The following NAALADL2 variants were observed in gnomAD, a reference collection of about 807,000 sequenced individuals.
NAALADL2 encodes inactive N-acetylated-alpha-linked acidic dipeptidase-like protein 2.
A neutral mutation model predicts 87.2 loss-of-function variants in NAALADL2; 76 were observed. That is an observed-to-expected ratio of 0.87 (90% confidence interval 0.72 to 1.05). The LOEUF (loss-of-function observed/expected upper bound fraction) is 1.05. Among genes scored for constraint, NAALADL2 ranks in the 50% least tolerant of loss-of-function variants. The pLI is 0.00. For synonymous variants in NAALADL2, 354 were observed against 331.0 expected (o/e 1.07, Z -0.75); for missense variants, 1,089 against 945.8 (o/e 1.15, Z -1.99).
At chr3:175,130,411 T>C (rs1012543355) in intron 2 of NAALADL2, among the ~76,000 whole-genome samples, 2 of 152,204 alleles carry the variant, frequency 1.3e-5, no homozygotes, top group African/African-American at 2.4e-5. Flanking sequence ...ATCCAAAAAG[T>C]CTTTGTCAAG....
At chr3:174,725,317 A>C (rs781771494) in intron 2 of NAALADL2, among the ~76,000 whole-genome samples, 16 of 151,866 alleles carry the variant, frequency 1.1e-4, no homozygotes, top group South Asian at 4.2e-4. Context: ...ATAATTAAAA[A>C]CATGGTTTTT....
intron 5 of NAALADL2, among the ~76,000 whole-genome samples, chr3:175,440,130 T>C (rs1052762573): frequency 9.2e-5 from 14 of 152,202 alleles, no homozygotes; most frequent in African/African-American, 3.4e-4. Context: ...CAGCACCATT[T>C]GTTGAATACG....
At chr3:175,661,364 TC>T (rs1732234879) in intron 11 of NAALADL2, among the ~76,000 whole-genome samples, 1 of 152,000 alleles carries the variant, frequency 6.6e-6, no homozygotes, top group African/African-American at 2.4e-5. Flanking sequence ...TTTTTTTTTT[TC>T]CTATTGAGTC....
intron 3 of NAALADL2, among the ~76,000 whole-genome samples, chr3:174,829,507 G>C (rs1300823426): frequency 7.5e-6 from 1 of 134,014 alleles, no homozygotes; most frequent in African/African-American, 2.9e-5. Flanking sequence ...TCTTAATCCA[G>C]TCTATCATTG....
intron 2 of NAALADL2, among the ~76,000 whole-genome samples, chr3:174,705,782 CAA>C (rs368457644): frequency 3.5e-5 from 4 of 114,496 alleles, no homozygotes; most frequent in Non-Finnish European, 5.2e-5. Context: ...GACTCCGTCT[CAA>C]AAAAAAAAAA....
chr3:175,071,625 C>A (rs1715661376), intron 1 of NAALADL2, among the ~76,000 whole-genome samples: 1 of 151,978 alleles, frequency 6.6e-6, no homozygotes, highest in Non-Finnish European at 1.5e-5. Context: ...TGTGTACCGT[C>A]CCCAATTAAT....
intron 4 of NAALADL2, among the ~76,000 whole-genome samples, chr3:175,308,272 A>G (rs1310432146): frequency 2.6e-5 from 4 of 152,124 alleles, no homozygotes; most frequent in Non-Finnish European, 5.9e-5. Flanking sequence ...TGTTTGCTCA[A>G]TATCTCTCTA....
intron 1 of NAALADL2, among the ~76,000 whole-genome samples, chr3:174,957,872 C>T (rs903395151): frequency 1.3e-5 from 2 of 151,902 alleles, no homozygotes; most frequent in Admixed American, 1.3e-4. Flanking sequence ...GACCAGGATT[C>T]CATTTTTGTC....
At chr3:175,101,870 A>G (rs1722264133) in intron 2 of NAALADL2, among the ~76,000 whole-genome samples, 1 of 152,142 alleles carries the variant, frequency 6.6e-6, no homozygotes, top group African/African-American at 2.4e-5. Context: ...TTCTTAATGG[A>G]AAGATCATTA....
chr3:175,570,718 A>G (rs775348197), intron 9 of NAALADL2, among the ~76,000 whole-genome samples: 35 of 151,978 alleles, frequency 2.3e-4, no homozygotes, highest in Admixed American at 4.6e-4. Flanking sequence ...GTTTCTATCA[A>G]AAATACAAAA....
intron 13 of NAALADL2, among the ~76,000 whole-genome samples, chr3:175,769,612 A>G (rs1013158405): frequency 2.0e-5 from 3 of 152,240 alleles, no homozygotes; most frequent in African/African-American, 7.2e-5. Flanking sequence ...GGTAATGGAA[A>G]AAACGGAAAA....
At chr3:175,435,559 C>T (rs575846600) in intron 5 of NAALADL2, among the ~76,000 whole-genome samples, 6 of 152,048 alleles carry the variant, frequency 3.9e-5, no homozygotes, top group African/African-American at 1.4e-4. Context: ...AAGTTTAGCA[C>T]AAACTCCAAA....
intron 2 of NAALADL2, among the ~76,000 whole-genome samples, chr3:174,656,153 C>T (rs1242229631): frequency 6.6e-6 from 1 of 152,154 alleles, no homozygotes; most frequent in African/African-American, 2.4e-5. Flanking sequence ...GAGCAAATAT[C>T]GGCTACTGGA....
chr3:175,294,133 C>T, intron 4 of NAALADL2, among the ~76,000 whole-genome samples: 1 of 152,140 alleles, frequency 6.6e-6, no homozygotes, highest in East Asian at 1.9e-4. Context: ...TGCAGAAGTT[C>T]TCTGAAAGCC....
At chr3:174,986,324 C>A (rs1045465512) in intron 1 of NAALADL2, among the ~76,000 whole-genome samples, 2 of 146,310 alleles carry the variant, frequency 1.4e-5, no homozygotes, top group East Asian at 2.0e-4. Context: ...TATATATATA[C>A]AATATATATA....
intron 1 of NAALADL2, chr3:175,059,588 C>T (rs1712996359): frequency 3.1e-6 from 1 of 325,164 alleles, no homozygotes; most frequent in Non-Finnish European, 5.8e-6. Context: ...CACATCATCC[C>T]ACGGTTTCAC....
intron 11 of NAALADL2, chr3:175,675,886 T>C (rs939023979): frequency 1.3e-5 from 2 of 152,200 alleles, no homozygotes; most frequent in African/African-American, 2.4e-5. Context: ...ATTATATGCA[T>C]ACACAATCTC....
At chr3:174,888,887 G>T (rs1364606670) in intron 1 of NAALADL2, among the ~76,000 whole-genome samples, 1 of 152,132 alleles carries the variant, frequency 6.6e-6, no homozygotes. Context: ...TTACAGTGTT[G>T]TCAGTTTAAA....
At chr3:175,348,617 T>G (rs1763407720) in intron 5 of NAALADL2, among the ~76,000 whole-genome samples, 1 of 152,156 alleles carries the variant, frequency 6.6e-6, no homozygotes. Flanking sequence ...GTTCCTTGAC[T>G]TGCTGCCTCA....
Sources: allele counts gnomAD v4.1 joint callset (sites outside exome capture counted in the v4.1 genomes callset), GRCh38; gene constraint gnomAD v4.1.1; transcripts MANE v1.5; gene names NCBI Gene and HGNC (gene_info 2026-07-23, HGNC 2026-07-21).